ARRB1: variants seen among roughly 807,000 people sequenced by gnomAD.
ARRB1 encodes beta-arrestin-1.
A neutral mutation model predicts 56.8 loss-of-function variants in ARRB1; 21 were observed. The observed-to-expected ratio is 0.37, with a 90% CI of 0.26 to 0.53. ARRB1 has a LOEUF of 0.53. Among genes scored for constraint, ARRB1 ranks in the 20% least tolerant of loss-of-function variants. The probability of loss-of-function intolerance (pLI) is 0.88; values close to 1 mark genes in which losing one functional copy is unlikely to be tolerated. For missense variants in ARRB1, 424 were observed against 553.7 expected (o/e 0.77, Z 2.35); for synonymous variants, 210 against 218.6 (o/e 0.96, Z 0.35).
intron 1 of ARRB1, among the ~76,000 whole-genome samples, chr11:75,316,772 T>TA (rs890194459): frequency 2.0e-5 from 3 of 151,520 alleles, no homozygotes; most frequent in East Asian, 2.0e-4. Flanking sequence ...TTTTTTTAAT[T>TA]AAAAAAAATA....
At chr11:75,276,985 G>T (rs1946215169) in intron 9 of ARRB1, 74 bp from the exon 10 acceptor site, 2 of 1,090,936 alleles carry the variant, frequency 1.8e-6, no homozygotes, top group East Asian at 2.5e-5. Context: ...GCGTCCCCGG[G>T]TTGGGGATAT....
At chr11:75,341,531 G>A (rs375481467) in intron 1 of ARRB1, among the ~76,000 whole-genome samples, 63 of 152,212 alleles carry the variant, frequency 4.1e-4, no homozygotes, top group Middle Eastern at 3.4e-3. Context: ...AACTGAGGCC[G>A]GAGAGTTTAA....
intron 9 of ARRB1, 91 bp from the exon 10 acceptor site, chr11:75,277,002 C>T: frequency 7.5e-7 from 1 of 1,338,696 alleles, no homozygotes; most frequent in Non-Finnish European, 1.1e-6. Context: ...ATATTCAGCC[C>T]CAGGCAATGG....
At chr11:75,288,541 A>T (rs1264274267) in intron 2 of ARRB1, among the ~76,000 whole-genome samples, 1 of 151,874 alleles carries the variant, frequency 6.6e-6, no homozygotes, top group Admixed American at 6.6e-5. Flanking sequence ...CCACCACACC[A>T]GCCCCTTGCT....
intron 7 of ARRB1, among the ~76,000 whole-genome samples, chr11:75,280,834 G>A (rs989521348): frequency 2.0e-5 from 3 of 152,158 alleles, no homozygotes; most frequent in Admixed American, 6.5e-5. Flanking sequence ...GGGAGATGAG[G>A]GAGGAAGCTG....
At chr11:75,301,675 T>C (rs1328792369) in intron 1 of ARRB1, among the ~76,000 whole-genome samples, 1 of 152,142 alleles carries the variant, frequency 6.6e-6, no homozygotes, top group African/African-American at 2.4e-5. Context: ...TTCCTCAGTG[T>C]GAGAGCAGCC....
chr11:75,334,235 T>C (rs1441077113), intron 1 of ARRB1, among the ~76,000 whole-genome samples: 1 of 147,814 alleles, frequency 6.8e-6, no homozygotes, highest in East Asian at 2.0e-4. Context: ...GGCAGGAGAG[T>C]TGCTTGAACC....
chr11:75,277,543 TC>T, intron 8 of ARRB1, 95 bp from the exon 9 acceptor site: 1 of 1,135,758 alleles, frequency 8.8e-7, no homozygotes, highest in Non-Finnish European at 1.3e-6. Flanking sequence ...CTTCTGGGGT[TC>T]CCCAGACCTT....
At position 75,324,224 on chromosome 11, in the gene ARRB1, G is replaced by A. The variant is rs757050067; in HGVS notation, c.20+27364C>T. 8.5e-5 allele frequency among the ~76,000 whole-genome samples: 13 copies of A among 152,262 alleles called. 1 individual carries two copies. Among genetic ancestry groups the A allele is most frequent in the Middle Eastern group, 6.8e-3 (2 of 294 alleles). ...CCCTCAGAACTCAGGCTGTGTGCCC[G>A]CGCCCTCCCCCCAGGTCTAGGGGAA... is the stretch of plus-strand genomic sequence containing the variant. On this transcript the variant is annotated intron_variant, in intron 1 of 15. Coordinates refer to ENST00000420843, the MANE Select transcript of ARRB1 (RefSeq NM_004041.5).
In ARRB1 at chr11:75,324,040, G is replaced by GCA. The variant is rs562946662; in HGVS notation, c.20+27546_20+27547dup. On this transcript the variant is annotated intron_variant, in intron 1 of 15. Coordinates refer to ENST00000420843, the MANE Select transcript of ARRB1 (RefSeq NM_004041.5). ...AGCTTGAATACACAAACACATGCAT[G>GCA]CACACACACACAGCAAGAAGCACAA... 2.3e-3 allele frequency among the ~76,000 whole-genome samples: 350 copies of GCA among 152,050 alleles called. 8 individuals carry two copies. The highest frequency in any genetic ancestry group is 0.02 in the Admixed American group (300 of 15,256).
chr11:75,289,940 T>A lies in ARRB1; in HGVS notation c.51+69A>T, dbSNP rs1203084557. 32 of 1,610,602 alleles carry A rather than the reference T, an allele frequency of 2.0e-5. No individual in the cohort carries two copies. The South Asian group carries it at 3.3e-4, about 17-fold the overall frequency. On this transcript the variant is annotated intron_variant, in intron 2 of 15. Transcript: ENST00000420843. Reference sequence around the variant, plus strand: ...ATTTCAGGGGACATGCCGTTTCCTCTGCTTCCCAAGAGAAAATGACCAGAG... The same window carrying A: ...ATTTCAGGGGACATGCCGTTTCCTCAGCTTCCCAAGAGAAAATGACCAGAG...
chr11:75,289,680 C>T (rs1331797029), intron 2 of ARRB1, among the ~76,000 whole-genome samples: 1 of 152,218 alleles, frequency 6.6e-6, no homozygotes, highest in Non-Finnish European at 1.5e-5. Flanking sequence ...AGGGGACTCA[C>T]TCCCCCACGG....
At chr11:75,319,105 T>C (rs1006714597) in intron 1 of ARRB1, among the ~76,000 whole-genome samples, 2 of 152,196 alleles carry the variant, frequency 1.3e-5, no homozygotes, top group African/African-American at 4.8e-5. Flanking sequence ...AGACCAGAAC[T>C]GAACCTGGTT....
chr11:75,326,345 T>C (rs891835092), intron 1 of ARRB1, among the ~76,000 whole-genome samples: 6 of 152,184 alleles, frequency 3.9e-5, no homozygotes, highest in African/African-American at 7.2e-5. Flanking sequence ...GAATGAGTGA[T>C]AACAACAGCA....
intron 1 of ARRB1, among the ~76,000 whole-genome samples, chr11:75,301,133 A>G (rs1946895330): frequency 1.3e-5 from 2 of 149,658 alleles, no homozygotes; most frequent in Middle Eastern, 3.4e-3. Context: ...ACAGAGCGAG[A>G]CTCCATCTCA....
At chr11:75,268,579 A>G (rs1290179776) in intron 14 of ARRB1, among the ~76,000 whole-genome samples, 1 of 150,362 alleles carries the variant, frequency 6.7e-6, no homozygotes, top group African/African-American at 2.4e-5. Context: ...CGGTCATCTT[A>G]TCCAAGCAGC....
chr11:75,347,224 G>A (rs1054670104), intron 1 of ARRB1, among the ~76,000 whole-genome samples: 2 of 152,230 alleles, frequency 1.3e-5, no homozygotes, highest in African/African-American at 4.8e-5. Flanking sequence ...TGGAATCAGG[G>A]ATCAGAGACA....
At chr11:75,327,622 C>G (rs1947462888) in intron 1 of ARRB1, among the ~76,000 whole-genome samples, 1 of 142,720 alleles carries the variant, frequency 7.0e-6, no homozygotes, top group Admixed American at 7.1e-5. Flanking sequence ...GAGTCTTGCT[C>G]TTGTCGCCCA....
At chr11:75,303,185 A>G (rs994885494) in intron 1 of ARRB1, among the ~76,000 whole-genome samples, 1 of 152,006 alleles carries the variant, frequency 6.6e-6, no homozygotes, top group Admixed American at 6.6e-5. Context: ...TGTTTTTAGT[A>G]GAGACAGGGT....
Sources: gnomAD v4.1 joint callset for allele counts (sites outside exome capture counted in the v4.1 genomes callset) on GRCh38, gnomAD v4.1.1 for gene constraint, MANE v1.5 for transcripts, NCBI Gene and HGNC (gene_info 2026-07-23, HGNC 2026-07-21) for gene names.